RARB: variants seen among roughly 807,000 people sequenced by gnomAD.
RARB encodes HBV-activated protein.
In RARB, 17 loss-of-function variants were observed where a neutral mutation model predicts 51.9. That is an observed-to-expected ratio of 0.33 (90% CI 0.22 to 0.49). RARB has a LOEUF of 0.49. Among genes scored for constraint, RARB ranks in the 20% least tolerant of loss-of-function variants. The pLI, the probability that RARB is intolerant of heterozygous loss-of-function variation, is 0.99. For missense variants in RARB, 369 were observed against 550.8 expected, an observed-to-expected ratio of 0.67 and a Z score of 3.30; for synonymous variants, 215 against 195.4, an observed-to-expected ratio of 1.10 and a Z score of -0.84.
At chr3:25,430,187 G>C (rs1708146390) in intron 1 of RARB, among the ~76,000 whole-genome samples, 1 of 152,220 alleles carries the variant, frequency 6.6e-6, no homozygotes, top group South Asian at 2.1e-4. Flanking sequence ...GCCATAAGCA[G>C]GGCAAAAAGA....
intron 2 of RARB, among the ~76,000 whole-genome samples, chr3:25,008,613 C>T (rs915324893): frequency 4.6e-5 from 7 of 152,090 alleles, no homozygotes; most frequent in Non-Finnish European, 8.8e-5. Context: ...TCTTGGCTGC[C>T]TTGGTACTTC....
intron 2 of RARB, among the ~76,000 whole-genome samples, chr3:25,498,305 G>A (rs1697137349): frequency 6.6e-6 from 1 of 152,134 alleles, no homozygotes; most frequent in African/African-American, 2.4e-5. Context: ...CAAAGCAGTG[G>A]TCTACAAGGG....
chr3:25,588,628 C>T (rs1056456609), intron 5 of RARB, among the ~76,000 whole-genome samples: 12 of 152,168 alleles, frequency 7.9e-5, no homozygotes, highest in Non-Finnish European at 7.3e-5. Flanking sequence ...GGTTCTGGCT[C>T]GGTATCTGTC....
chr3:25,411,734 C>A (rs1187533293), intron 5 of RARB, among the ~76,000 whole-genome samples: 1 of 152,118 alleles, frequency 6.6e-6, no homozygotes, highest in South Asian at 2.1e-4. Context: ...GCTTGTGTGC[C>A]CCTTTGTCTT....
At chr3:25,421,815 A>C (rs1707872912) in intron 5 of RARB, among the ~76,000 whole-genome samples, 2 of 152,190 alleles carry the variant, frequency 1.3e-5, no homozygotes, top group Non-Finnish European at 2.9e-5. Context: ...TATAGAAGTT[A>C]AGTAACTTTG....
At chr3:25,129,678 GACT>G (rs1049286429) in intron 3 of RARB, among the ~76,000 whole-genome samples, 11 of 151,894 alleles carry the variant, frequency 7.2e-5, no homozygotes, top group African/African-American at 2.7e-4. Flanking sequence ...GTGAATTAAT[GACT>G]ACTATAAATT....
At chr3:25,136,163 C>T (rs1700029373) in intron 4 of RARB, among the ~76,000 whole-genome samples, 1 of 151,836 alleles carries the variant, frequency 6.6e-6, no homozygotes, top group Non-Finnish European at 1.5e-5. Flanking sequence ...CCTCAATATG[C>T]CAGGAGAATA....
At chr3:24,864,317 C>G (rs1702809529) in intron 2 of RARB, among the ~76,000 whole-genome samples, 1 of 152,184 alleles carries the variant, frequency 6.6e-6, no homozygotes, top group African/African-American at 2.4e-5. Flanking sequence ...GTTCCTTGTT[C>G]TTTTCCTTTG....
intron 3 of RARB, among the ~76,000 whole-genome samples, chr3:25,513,661 T>TACACACACACACACAC (rs10525876): frequency 0.059 from 8,539 of 145,086 alleles, 678 homozygotes; most frequent in African/African-American, 0.18. Context: ...CTCTCAAAAC[T>TACACACACACACACAC]ACACACACAC....
intron 2 of RARB, among the ~76,000 whole-genome samples, chr3:24,969,459 C>T (rs894578857): frequency 2.6e-5 from 4 of 152,044 alleles, no homozygotes; most frequent in Admixed American, 6.6e-5. Context: ...TATACAAGAG[C>T]CACAAATCTC....
At chr3:25,204,876 A>T (rs539103639) in intron 5 of RARB, among the ~76,000 whole-genome samples, 1 of 151,940 alleles carries the variant, frequency 6.6e-6, no homozygotes, top group Non-Finnish European at 1.5e-5. Flanking sequence ...GGGGTCAGGG[A>T]CCCACTTGAG....
chr3:24,877,434 G>GT (rs769649040), intron 2 of RARB, among the ~76,000 whole-genome samples: 87 of 136,726 alleles, frequency 6.4e-4, no homozygotes, highest in Non-Finnish European at 6.6e-4. Flanking sequence ...ACCTTTAAAA[G>GT]TAGAGTGCAG....
intron 2 of RARB, among the ~76,000 whole-genome samples, chr3:24,969,771 A>C (rs1167043093): frequency 1.3e-5 from 2 of 152,096 alleles, no homozygotes; most frequent in Non-Finnish European, 2.9e-5. Context: ...GCTTTGGATA[A>C]TAGGAGATGT....
chr3:25,521,643 A>G (rs2125632645), intron 3 of RARB, among the ~76,000 whole-genome samples: 1 of 152,282 alleles, frequency 6.6e-6, no homozygotes, highest in South Asian at 2.1e-4. Context: ...AAAAAGCACT[A>G]GGCTGAGAAC....
chr3:25,201,161 T>C (rs56791007), intron 5 of RARB, among the ~76,000 whole-genome samples: 2 of 152,124 alleles, frequency 1.3e-5, no homozygotes, highest in Non-Finnish European at 2.9e-5. Flanking sequence ...TTGTAAGTTG[T>C]GTTCCTGGGT....
intron 2 of RARB, among the ~76,000 whole-genome samples, chr3:25,004,261 T>G (rs1433113775): frequency 1.3e-5 from 2 of 152,154 alleles, no homozygotes; most frequent in African/African-American, 4.8e-5. Context: ...AAAAGATATT[T>G]TTCTCTGTGC....
At chr3:25,173,682 T>G (rs1008920360) in intron 4 of RARB, among the ~76,000 whole-genome samples, 2 of 152,234 alleles carry the variant, frequency 1.3e-5, no homozygotes, top group African/African-American at 4.8e-5. Context: ...TTCATTCAAC[T>G]AATACATACT....
intron 2 of RARB, among the ~76,000 whole-genome samples, chr3:25,473,921 G>GAAGAAAAAAA (rs1553620195): frequency 9.2e-6 from 1 of 108,310 alleles, no homozygotes; most frequent in Non-Finnish European, 1.7e-5. Context: ...TGTCTGGCAG[G>GAAGAAAAAAA]AAAAAAAAAA....
At chr3:24,902,381 T>A (rs1390347213) in intron 2 of RARB, among the ~76,000 whole-genome samples, 2 of 152,122 alleles carry the variant, frequency 1.3e-5, no homozygotes, top group South Asian at 4.1e-4. Context: ...TGATTTCACA[T>A]CCATCCTCAG....
Sources: gnomAD v4.1 joint callset for allele counts (sites outside exome capture counted in the v4.1 genomes callset) on GRCh38, gnomAD v4.1.1 for gene constraint, MANE v1.5 for transcripts, NCBI Gene and HGNC (gene_info 2026-07-23, HGNC 2026-07-21) for gene names.